UBE2E1: variants seen among roughly 807,000 people sequenced by gnomAD.
UBE2E1 encodes ubiquitin conjugating enzyme E2 E1.
UBE2E1 carries 6 observed loss-of-function variants against 21.4 expected under a neutral mutation model. The observed-to-expected ratio is 0.28, with a 90% confidence interval of 0.15 to 0.55. UBE2E1 has a LOEUF of 0.55. Among genes scored for constraint, UBE2E1 ranks in the 20% least tolerant of loss-of-function variants. The pLI is 0.93. For synonymous variants in UBE2E1, 87 were observed against 82.7 expected, an observed-to-expected ratio of 1.05 and a Z score of -0.28; for missense variants, 142 against 236.5, an observed-to-expected ratio of 0.60 and a Z score of 2.62.
At chr3:23,845,178 A>C (rs1167779073) in intron 3 of UBE2E1, among the ~76,000 whole-genome samples, 2 of 152,224 alleles carry the variant, frequency 1.3e-5, no homozygotes, top group African/African-American at 4.8e-5. Context: ...TAGCTTCAAA[A>C]TCACAAATCT....
rs533139005 is a variant in UBE2E1, at chr3:23,811,443, C to T, written c.153-17C>T. On this transcript the variant is annotated splice_polypyrimidine_tract_variant and intron_variant, in intron 2 of 5. Transcript: ENST00000306627. ...TAATGCTTCTTGTGTTTGTCTTTCC[C>T]ATTTCTCCCACTCCAGAATTCAGAA... The T allele has an allele frequency of 2.5e-5, 40 of 1,614,094 alleles. No individual in the cohort carries two copies. The African/African-American group carries it at 3.3e-4, about 13-fold the overall frequency.
intron 3 of UBE2E1, among the ~76,000 whole-genome samples, chr3:23,861,678 C>T (rs1470385206): frequency 6.6e-6 from 1 of 152,228 alleles, no homozygotes; most frequent in East Asian, 1.9e-4. Flanking sequence ...GAGAGGAATG[C>T]ACTGGTGTAG....
chr3:23,840,306 T>C (rs1700058208), intron 3 of UBE2E1, among the ~76,000 whole-genome samples: 1 of 152,232 alleles, frequency 6.6e-6, no homozygotes, highest in African/African-American at 2.4e-5. Context: ...TTTTACCTTA[T>C]ATTTTCAAGC....
At chr3:23,885,558 G>C (rs1235790963) in intron 3 of UBE2E1, among the ~76,000 whole-genome samples, 1 of 152,088 alleles carries the variant, frequency 6.6e-6, no homozygotes, top group African/African-American at 2.4e-5. Flanking sequence ...TCATGGTGTA[G>C]ACAATGTTTA....
intron 3 of UBE2E1, among the ~76,000 whole-genome samples, chr3:23,817,002 T>A (rs1050453192): frequency 1.3e-5 from 2 of 152,256 alleles, no homozygotes; most frequent in African/African-American, 4.8e-5. Context: ...TCATGTTATA[T>A]ATATTTTATC....
intron 3 of UBE2E1, among the ~76,000 whole-genome samples, chr3:23,834,118 A>G (rs1393148753): frequency 6.6e-6 from 1 of 152,274 alleles, no homozygotes; most frequent in African/African-American, 2.4e-5. Context: ...ATTATTTAAA[A>G]CATTTTTTGA....
chr3:23,884,109 G>A (rs2125328721), intron 3 of UBE2E1, among the ~76,000 whole-genome samples: 1 of 152,082 alleles, frequency 6.6e-6, no homozygotes, highest in East Asian at 1.9e-4. Context: ...TTATTCTCCA[G>A]TTTTGAAGTT....
chr3:23,840,760 C>G (rs1447218737), intron 3 of UBE2E1, among the ~76,000 whole-genome samples: 1 of 152,114 alleles, frequency 6.6e-6, no homozygotes, highest in Non-Finnish European at 1.5e-5. Flanking sequence ...TTGACGGGAC[C>G]CTCTACAGAT....
rs892173642 is a variant in UBE2E1, at chr3:23,870,953, G to A, written c.204-16614G>A. Among the ~76,000 whole-genome samples, 2 of 152,196 alleles carry A rather than the reference G, an allele frequency of 1.3e-5. No individual in the cohort carries two copies. The highest frequency in any genetic ancestry group is 2.9e-5 in the Non-Finnish European group (2 of 68,026). ...CACCGCCCTTAATCCATTTAACCCTGAGTGGACACAGCACATGTTTCAGAG... is the reference window on the plus strand; with the variant it reads ...CACCGCCCTTAATCCATTTAACCCTAAGTGGACACAGCACATGTTTCAGAG... On this transcript the variant is annotated intron_variant, in intron 3 of 5. Transcript: ENST00000306627. The surrounding 1 kb of genome is among the most constrained non-coding windows in gnomAD (Gnocchi z 4.2).
chr3:23,876,739 T>C lies in UBE2E1; in HGVS notation c.204-10828T>C, dbSNP rs1244873796. ...GACAAGGGAGGAGGGAGCTAAATAA[T>C]ATTAATGGTAATTTAAATCTAGAAA... On this transcript the variant is annotated intron_variant, in intron 3 of 5. Transcript: ENST00000306627. The surrounding 1 kb of genome is among the most constrained non-coding windows in gnomAD (Gnocchi z 4.3). Among the ~76,000 whole-genome samples the C allele has an allele frequency of 6.6e-6, 1 of 152,178 alleles. No homozygotes were observed. Among genetic ancestry groups the C allele is most frequent in the Non-Finnish European group, 1.5e-5 (1 of 68,032 alleles).
In UBE2E1 at chr3:23,870,458, C is replaced by T. The variant is rs1700759654; in HGVS notation, c.204-17109C>T. Among the ~76,000 whole-genome samples the T allele has an allele frequency of 6.6e-6, 1 of 152,096 alleles. No homozygotes were observed. Among genetic ancestry groups the T allele is most frequent in the South Asian group, 2.1e-4 (1 of 4,822 alleles). Reference sequence around the variant, plus strand: ...GGAGTTAATTTACCTGTATTTCTGCCTATTGCTATGGGCAGAGCAGCTTTA... The same window carrying T: ...GGAGTTAATTTACCTGTATTTCTGCTTATTGCTATGGGCAGAGCAGCTTTA... On this transcript the variant is annotated intron_variant, in intron 3 of 5. Transcript: ENST00000306627. The surrounding 1 kb of genome is among the most constrained non-coding windows in gnomAD (Gnocchi z 4.2).
chr3:23,810,638 C>A lies in UBE2E1; in HGVS notation c.153-822C>A. The A allele has an allele frequency of 1.9e-6, 2 of 1,051,964 alleles. No homozygotes were observed. The highest frequency in any genetic ancestry group is 2.6e-6 in the Non-Finnish European group (2 of 763,058). 65.2% of individuals were successfully genotyped at this position (1,051,964 alleles called of 1,614,324 possible). ...CTTGGGGTCTGTGGTGCCCGAGTGGCGGGCGGGGGTGTTCGCGCCCTGCTT... is the reference window on the plus strand; with the variant it reads ...CTTGGGGTCTGTGGTGCCCGAGTGGAGGGCGGGGGTGTTCGCGCCCTGCTT... On this transcript the variant is annotated intron_variant, in intron 2 of 5. Coordinates refer to ENST00000306627, the MANE Select transcript of UBE2E1 (RefSeq NM_003341.5). This position sits in a 1 kb window ranked among gnomAD's most constrained non-coding sequence, Gnocchi z 5.8.
chr3:23,834,773 A>G (rs1048246589), intron 3 of UBE2E1, among the ~76,000 whole-genome samples: 7 of 152,196 alleles, frequency 4.6e-5, no homozygotes, highest in Non-Finnish European at 8.8e-5. Flanking sequence ...TCTTTTTAAT[A>G]CTAGGAAAGC....
intron 3 of UBE2E1, among the ~76,000 whole-genome samples, chr3:23,859,386 A>G (rs1442163580): frequency 6.6e-6 from 1 of 152,128 alleles, no homozygotes. Context: ...CTACCTCCTC[A>G]CTTCACCTGA....
chr3:23,809,774 CTTAAAATACAG>C (rs1559473113), intron 2 of UBE2E1, among the ~76,000 whole-genome samples: 2 of 152,108 alleles, frequency 1.3e-5, no homozygotes, highest in South Asian at 4.1e-4. Flanking sequence ...GTGTGTAGGT[CTTAAAATACAG>C]TTATTTGAAA....
rs1226952330 is a variant in UBE2E1, at chr3:23,810,587, G to A, written c.153-873G>A. ...GTGCGGGGCGGAGGCAGGGTCCGGT[G>A]CACCTGTGCGGCCGCGGGCCGGCCA... On this transcript the variant is annotated intron_variant, in intron 2 of 5. Coordinates refer to ENST00000306627, the MANE Select transcript of UBE2E1 (RefSeq NM_003341.5). This position sits in a 1 kb window ranked among gnomAD's most constrained non-coding sequence, Gnocchi z 5.8. 4.7e-6 allele frequency: 7 copies of A among 1,474,912 alleles called. No individual in the cohort carries two copies. In the African/African-American group the frequency reaches 8.4e-5, roughly 18 times the overall value. 91.4% of individuals were successfully genotyped at this position (1,474,912 alleles called of 1,614,324 possible). A position where few individuals can be genotyped will look rare whatever the true frequency, so the allele number is the denominator to read the frequency against.
At chr3:23,871,592 CAG>C (rs1326014516) in intron 3 of UBE2E1, among the ~76,000 whole-genome samples, 5 of 151,496 alleles carry the variant, frequency 3.3e-5, no homozygotes, top group African/African-American at 9.7e-5. Flanking sequence ...GGCTGCCGGG[CAG>C]AGAGGCTCCT....
At chr3:23,859,371 C>T (rs992487249) in intron 3 of UBE2E1, among the ~76,000 whole-genome samples, 1 of 152,230 alleles carries the variant, frequency 6.6e-6, no homozygotes, top group Non-Finnish European at 1.5e-5. Flanking sequence ...CCATCTCCAA[C>T]ACTGCTACCT....
chr3:23,857,016 AAAAG>A (rs1700457204), intron 3 of UBE2E1, among the ~76,000 whole-genome samples: 1 of 147,266 alleles, frequency 6.8e-6, no homozygotes, highest in African/African-American at 2.5e-5. Flanking sequence ...AAAAAAAAAA[AAAAG>A]AGAGAGAATG....
Sources: gnomAD v4.1 joint callset for allele counts (sites outside exome capture counted in the v4.1 genomes callset) on GRCh38, gnomAD v4.1.1 for gene constraint, Gnocchi (gnomAD v3.1) non-coding constraint, MANE v1.5 for transcripts, NCBI Gene and HGNC (gene_info 2026-07-23, HGNC 2026-07-21) for gene names.